COMMD6: variants seen among roughly 807,000 people sequenced by gnomAD.
The protein encoded by COMMD6 is COMM domain containing 6, also known as COMM domain-containing protein 6.
In COMMD6, 11 loss-of-function variants were observed where a neutral mutation model predicts 13.4. The observed-to-expected ratio is 0.82, with a 90% CI of 0.52 to 1.36. The LOEUF (loss-of-function observed/expected upper bound fraction) is 1.36. Among genes scored for constraint, COMMD6 ranks in the 40% most tolerant of loss-of-function variants. The pLI, the probability that COMMD6 is intolerant of heterozygous loss-of-function variation, is 0.00. For missense variants in COMMD6, 124 were observed against 102.4 expected (o/e 1.21, Z -0.91); for synonymous variants, 43 against 36.5 (o/e 1.18, Z -0.64).
At chr13:75,526,711 C>T (rs2030277009) in intron 3 of COMMD6, 72 bp from the exon 4 acceptor site, 7 of 1,019,562 alleles carry the variant, frequency 6.9e-6, no homozygotes, top group Non-Finnish European at 1.1e-5. Context: ...TTAATTATAT[C>T]TGACTACCGG....
At chr13:75,528,866 A>G (rs1408546919) in intron 3 of COMMD6, among the ~76,000 whole-genome samples, 1 of 152,118 alleles carries the variant, frequency 6.6e-6, no homozygotes, top group Non-Finnish European at 1.5e-5. Context: ...AAAAAAGAAA[A>G]AAAAAAAGAA....
chr13:75,530,492 GAA>G (rs1241517847), intron 2 of COMMD6: 1 of 318,900 alleles, frequency 3.1e-6, no homozygotes, highest in Non-Finnish European at 5.6e-6. Flanking sequence ...GTTTAAAATG[GAA>G]AAAACAAAAA....
At chr13:75,531,913 C>A (rs1164503160) in intron 2 of COMMD6, among the ~76,000 whole-genome samples, 1 of 152,208 alleles carries the variant, frequency 6.6e-6, no homozygotes, top group Non-Finnish European at 1.5e-5. Flanking sequence ...ATGTCCCCAG[C>A]AGCTTTATTC....
upstream of COMMD6, among the ~76,000 whole-genome samples, chr13:75,543,310 G>A (rs2030854598): frequency 6.6e-6 from 1 of 151,890 alleles, no homozygotes; most frequent in Non-Finnish European, 1.5e-5. Context: ...ACCTATACAT[G>A]TATCCCCTTA....
Position 75,537,623 on chromosome 13 carries a change from G to A in COMMD6, c.54+41C>T, listed in dbSNP as rs754471004. ...TGGCACGGCCTCGCGGCCGTGGGAG[G>A]CAGGCTGGCGGAGGACAGGGCGGGG... On this transcript the variant is annotated intron_variant, in intron 2 of 3. Coordinates refer to ENST00000682242, the MANE Select transcript of COMMD6 (RefSeq NM_203495.4). The A allele has an allele frequency of 1.4e-5, 22 of 1,613,370 alleles. No individual in the cohort carries two copies. In the African/African-American group the frequency reaches 2.5e-4, roughly 19 times the overall value.
chr13:75,539,071 GTCC>G (rs2030776205), upstream of COMMD6, among the ~76,000 whole-genome samples: 1 of 152,120 alleles, frequency 6.6e-6, no homozygotes, highest in East Asian at 1.9e-4. Context: ...GGCAGGTCAA[GTCC>G]TCCTCACACT....
At chr13:75,527,555 T>C (rs974645755) in intron 3 of COMMD6, among the ~76,000 whole-genome samples, 12 of 152,024 alleles carry the variant, frequency 7.9e-5, no homozygotes, top group Non-Finnish European at 1.2e-4. Context: ...TTTAAAAGAG[T>C]TGCCTCTAAT....
upstream of COMMD6, among the ~76,000 whole-genome samples, chr13:75,540,344 C>CACACA (rs1593961926): frequency 1.9e-3 from 279 of 147,374 alleles, no homozygotes; most frequent in East Asian, 4.4e-3. Flanking sequence ...ACACACACAC[C>CACACA]CACACACACA....
At chr13:75,527,858 G>A (rs1244094496) in intron 3 of COMMD6, 10 of 1,502,576 alleles carry the variant, frequency 6.7e-6, no homozygotes, top group Admixed American at 2.1e-5. Context: ...GAGGCTGGGG[G>A]TCAATGGGGA....
upstream of COMMD6, among the ~76,000 whole-genome samples, chr13:75,539,183 C>T (rs914807961): frequency 4.0e-5 from 6 of 151,842 alleles, no homozygotes; most frequent in African/African-American, 1.5e-4. Context: ...TTCTCTGTTT[C>T]TAGGGGCCTA....
chr13:75,547,608 T>C (rs2030925263), intron 1 of COMMD6, among the ~76,000 whole-genome samples: 1 of 152,228 alleles, frequency 6.6e-6, no homozygotes, highest in Admixed American at 6.5e-5. Flanking sequence ...CTCTGAGACA[T>C]GCTGCCCTCA....
chr13:75,531,865 A>C (rs893439817), intron 2 of COMMD6, among the ~76,000 whole-genome samples: 1 of 152,254 alleles, frequency 6.6e-6, no homozygotes, highest in Non-Finnish European at 1.5e-5. Flanking sequence ...GAACTTAGAA[A>C]AACTTTTTGA....
At chr13:75,541,160 T>C (rs919013343), upstream of COMMD6, among the ~76,000 whole-genome samples, 2 of 152,138 alleles carry the variant, frequency 1.3e-5, no homozygotes, top group African/African-American at 4.8e-5. Context: ...GTGGTTGGTT[T>C]TAAAAAAAAT....
rs2030266293 is a variant in COMMD6, at chr13:75,526,552, T to C, written c.*37A>G. The C allele has an allele frequency of 6.7e-7, 1 of 1,489,648 alleles. No individual in the cohort carries two copies. The highest frequency in any genetic ancestry group is 9.3e-7 in the Non-Finnish European group (1 of 1,079,430). The allele number at this position is 1,489,648 out of a possible 1,614,324, so 92.3% of individuals were successfully genotyped here. A position where few individuals can be genotyped will look rare whatever the true frequency, so the allele number is the denominator to read the frequency against. On this transcript the variant is annotated 3_prime_UTR_variant, in exon 4 of 4. Transcript: ENST00000682242. ...TTGCCGAAAGTGAAGTCCATGACTT[T>C]AGAATGATAGCAATTTATCAACCAA...
chr13:75,528,224 T>A (rs112194375), intron 3 of COMMD6, among the ~76,000 whole-genome samples: 207 of 152,072 alleles, frequency 1.4e-3, no homozygotes, highest in African/African-American at 4.7e-3. Context: ...AATCCAATTG[T>A]GATTTTTTTT....
chr13:75,544,620 G>A (rs562289441), intron 1 of COMMD6, among the ~76,000 whole-genome samples: 5 of 152,062 alleles, frequency 3.3e-5, no homozygotes, highest in African/African-American at 7.2e-5. Flanking sequence ...AAAATTAGCC[G>A]GGTGTGGTGG....
intron 3 of COMMD6, among the ~76,000 whole-genome samples, chr13:75,528,862 G>GA (rs1211524848): frequency 0.011 from 1,432 of 124,846 alleles, 32 homozygotes; most frequent in African/African-American, 0.037. Context: ...CAAAAAAAAA[G>GA]AAAAAAAAAA....
At chr13:75,530,352 C>T (rs1042618863) in intron 2 of COMMD6, 86 bp from the exon 3 acceptor site, 2 of 1,074,190 alleles carry the variant, frequency 1.9e-6, no homozygotes, top group African/African-American at 3.2e-5. Flanking sequence ...CAGTTACACT[C>T]AACTTTTAGT....
At chr13:75,530,789 C>T (rs2030451747) in intron 2 of COMMD6, among the ~76,000 whole-genome samples, 1 of 152,152 alleles carries the variant, frequency 6.6e-6, no homozygotes, top group Admixed American at 6.5e-5. Context: ...TGACAAAAGC[C>T]AACTTCAGAG....
Sources: allele counts gnomAD v4.1 joint callset (sites outside exome capture counted in the v4.1 genomes callset), GRCh38; gene constraint gnomAD v4.1.1; transcripts MANE v1.5; gene names NCBI Gene and HGNC (gene_info 2026-07-23, HGNC 2026-07-21).